The following EXOC7 variants were observed in gnomAD, a reference collection of about 807,000 sequenced individuals.
EXOC7 encodes the protein exocyst complex component 7, also known as exocyst complex component Exo70.
EXOC7 carries 51 observed loss-of-function variants against 87.6 expected under a neutral mutation model. The observed-to-expected ratio is 0.58, with a 90% CI of 0.46 to 0.73. The LOEUF (loss-of-function observed/expected upper bound fraction) is 0.73. Among genes scored for constraint, EXOC7 ranks in the 30% least tolerant of loss-of-function variants. The pLI, the probability that EXOC7 is intolerant of heterozygous loss-of-function variation, is 0.00. For missense variants in EXOC7, 744 were observed against 888.4 expected, an observed-to-expected ratio of 0.84 and a Z score of 2.07; for synonymous variants, 327 against 357.1, an observed-to-expected ratio of 0.92 and a Z score of 0.95.
chr17:76,101,166 G>C, intron 4 of EXOC7, 105 bp downstream of exon 4: 1 of 1,593,828 alleles, frequency 6.3e-7, no homozygotes, highest in Admixed American at 1.7e-5. Flanking sequence ...ATATCCTTCT[G>C]TGTATTCTAC....
intron 5 of EXOC7, among the ~76,000 whole-genome samples, chr17:76,095,465 T>A (rs1044206840): frequency 3.9e-5 from 6 of 152,178 alleles, no homozygotes; most frequent in Non-Finnish European, 7.3e-5. Context: ...TACTTTTTTT[T>A]AAATAAAAAA....
At chr17:76,103,069 A>G in intron 2 of EXOC7, 2 of 447,222 alleles carry the variant, frequency 4.5e-6, no homozygotes, top group Non-Finnish European at 8.2e-6. Context: ...ACCTAGCCCA[A>G]CTGGTCAGAC....
chr17:76,085,107 G>C, intron 15 of EXOC7: 1 of 584,164 alleles, frequency 1.7e-6, no homozygotes. Context: ...CCTCTAAAGT[G>C]GCCATAGTGG....
At position 76,082,954 on chromosome 17, in the gene EXOC7, C is replaced by A. The variant is rs1188028478; in HGVS notation, c.*694G>T. On this transcript the variant is annotated 3_prime_UTR_variant, in exon 19 of 19. Coordinates refer to ENST00000589210, the MANE Select transcript of EXOC7 (RefSeq NM_001013839.4). ...GCAGCCTAATTGCTCCTTCTGCAAC[C>A]ACGACTGCCTGGCCCTGGGCCAAGA... is the stretch of plus-strand genomic sequence containing the variant. 1 of 265,266 alleles carries A rather than the reference C, an allele frequency of 3.8e-6. No homozygotes were observed. 16.4% of individuals were successfully genotyped at this position (265,266 alleles called of 1,614,324 possible).
chr17:76,084,974 C>T (rs2067144772), intron 15 of EXOC7: 1 of 453,706 alleles, frequency 2.2e-6, no homozygotes, highest in Non-Finnish European at 4.0e-6. Flanking sequence ...GGGATCCTCA[C>T]AGAGCAAGGC....
At chr17:76,084,364 C>T (rs1222146336) in intron 16 of EXOC7, 75 bp from the exon 17 acceptor site, 8 of 1,602,238 alleles carry the variant, frequency 5.0e-6, no homozygotes, top group South Asian at 1.1e-5. Flanking sequence ...TCCCCAAACA[C>T]CCTTGGTCTG....
In EXOC7 at chr17:76,103,750, C is replaced by G. The variant is rs1022024297; in HGVS notation, c.-58G>C. 3.9e-6 allele frequency: 6 copies of G among 1,533,472 alleles called. No homozygotes were observed. Among genetic ancestry groups the G allele is most frequent in the Non-Finnish European group, 5.3e-6 (6 of 1,134,548 alleles). The allele number at this position is 1,533,472 out of a possible 1,614,324, so 95.0% of individuals were successfully genotyped here. On this transcript the variant is annotated 5_prime_UTR_variant, in exon 1 of 19. Coordinates refer to ENST00000589210, the MANE Select transcript of EXOC7 (RefSeq NM_001013839.4). ...ATCTTTCCTCCGCGGGCCCACCGGGCCCCCGTCCCCGTCACACCCACTTCC... is the reference window on the plus strand; with the variant it reads ...ATCTTTCCTCCGCGGGCCCACCGGGGCCCCGTCCCCGTCACACCCACTTCC...
intron 3 of EXOC7, 137 bp from the exon 4 acceptor site, chr17:76,101,513 G>C: frequency 1.5e-5 from 21 of 1,368,752 alleles, no homozygotes; most frequent in Non-Finnish European, 1.9e-5. Flanking sequence ...GCCTTTTAAG[G>C]CCTAGGGCTT....
At chr17:76,098,159 A>G (rs1370692869) in intron 4 of EXOC7, 141 bp from the exon 5 acceptor site, 3 of 657,988 alleles carry the variant, frequency 4.6e-6, no homozygotes, top group African/African-American at 3.7e-5. Context: ...TTTTTTTGAG[A>G]GGGAGTCTCG....
At chr17:76,095,057 C>A (rs2067684972) in intron 5 of EXOC7, among the ~76,000 whole-genome samples, 1 of 151,978 alleles carries the variant, frequency 6.6e-6, no homozygotes, top group African/African-American at 2.4e-5. Context: ...GCCTCCCAGG[C>A]TCAACCAATT....
In EXOC7 at chr17:76,095,934, T is replaced by G. The variant is rs573321275; in HGVS notation, c.641-1353A>C. ...TGAAAACTATGGTGGATTTCAGAAG[T>G]TCCCAACAAATAGTTTACAAGGAAC... On this transcript the variant is annotated intron_variant, in intron 5 of 18. Coordinates refer to ENST00000589210, the MANE Select transcript of EXOC7 (RefSeq NM_001013839.4). Among the ~76,000 whole-genome samples, 4 of 152,214 alleles carry G rather than the reference T, an allele frequency of 2.6e-5. No individual in the cohort carries two copies. In the South Asian group the frequency reaches 8.3e-4, roughly 32 times the overall value.
At chr17:76,097,109 A>G (rs1025746342) in intron 5 of EXOC7, among the ~76,000 whole-genome samples, 16 of 152,142 alleles carry the variant, frequency 1.1e-4, no homozygotes, top group Non-Finnish European at 1.8e-4. Flanking sequence ...CAGCCTCCCA[A>G]ACTGTTAGGA....
At chr17:76,092,291 GTTT>G (rs71363610) in intron 6 of EXOC7, 2 of 101,420 alleles carry the variant, frequency 2.0e-5, no homozygotes, top group Non-Finnish European at 3.8e-5. Context: ...CAATTAGCTT[GTTT>G]TTTTTTTTTT....
In EXOC7 at chr17:76,103,686, G is replaced by T. The variant is rs765393635; in HGVS notation, c.7C>A (p.Pro3Thr). ...CGTCGAGCGGATGCCTCCTGTGGGG[G>T]AATCATCGCTCTGAACCCCGCGGCT... MI[P>T]PQEASARRRE... Residue 3 changes from proline to threonine, a missense_variant, in exon 1 of 19, where the codon CCC (proline) becomes ACC (threonine). By Grantham distance (38) the Pro-to-Thr change is conservative. Around this residue, in one of 3 missense-constraint regions of EXOC7, gnomAD observed 512 missense variants for 573.0 expected, o/e 0.89. Transcript: ENST00000589210. The T allele has an allele frequency of 6.2e-7, 1 of 1,611,324 alleles. No homozygotes were observed.
Position 76,101,831 on chromosome 17 carries a change from A to G in EXOC7, c.159T>C (p.Leu53=), listed in dbSNP as rs138574355. Residue 53 remains leucine, a synonymous_variant, in exon 3 of 19, where the codon CTT becomes CTC. Transcript: ENST00000589210. ...GGATGATGGAGTTCTCCAGCTTCATAAGGCGGCTCTCAAAGGATGATAAGA... is the reference window on the plus strand; with the variant it reads ...GGATGATGGAGTTCTCCAGCTTCATGAGGCGGCTCTCAAAGGATGATAAGA... ...VSILSSFESR[L]MKLENSIIPV... The G allele has an allele frequency of 1.2e-6, 2 of 1,613,858 alleles. No individual in the cohort carries two copies. Among genetic ancestry groups the G allele is most frequent in the Admixed American group, 1.7e-5 (1 of 59,976 alleles).
rs1444826517 is a variant in EXOC7 at position 76,094,422 on chromosome 17, T to C, written c.800A>G (p.Lys267Arg). The change falls in exon 6 of 19, where the codon AAG (lysine) becomes AGG (arginine). Residue 267 changes from lysine to arginine, a missense_variant. Transcript: ENST00000589210. ...CCAGGATGGGGGCTCACCTGGCCGCTTGACTGGCTTCTTGGTAGGTGTGTC... is the reference window on the plus strand; with the variant it reads ...CCAGGATGGGGGCTCACCTGGCCGCCTGACTGGCTTCTTGGTAGGTGTGTC... ...RKDTPTKKPV[K>R]RPGTIRKAQN... 2 of 1,613,230 alleles carry C rather than the reference T, an allele frequency of 1.2e-6. No homozygotes were observed. Among genetic ancestry groups the C allele is most frequent in the East Asian group, 2.2e-5 (1 of 44,884 alleles).
At chr17:76,088,175 C>T in intron 10 of EXOC7, 53 bp from the exon 11 acceptor site, 1 of 1,555,102 alleles carries the variant, frequency 6.4e-7, no homozygotes, top group Non-Finnish European at 8.8e-7. Flanking sequence ...CCACCCCATG[C>T]CCCAGTGCAC....
chr17:76,088,338 C>A, intron 10 of EXOC7, 126 bp downstream of exon 10: 1 of 1,033,142 alleles, frequency 9.7e-7, no homozygotes, highest in Non-Finnish European at 1.4e-6. Flanking sequence ...TGCTGACAGG[C>A]CAGTGGCGCA....
chr17:76,089,645 G>C (rs528154296), intron 7 of EXOC7: 56 of 373,858 alleles, frequency 1.5e-4, no homozygotes, highest in Non-Finnish European at 2.5e-4. Context: ...AAGGTGGTTT[G>C]ACCCCAGGAC....
Sources: allele counts gnomAD v4.1 joint callset (sites outside exome capture counted in the v4.1 genomes callset), GRCh38; gene constraint gnomAD v4.1.1; regional missense constraint gnomAD v4.1.1; transcripts MANE v1.5; gene names NCBI Gene and HGNC (gene_info 2026-07-23, HGNC 2026-07-21).